CDO1: variants seen among roughly 807,000 people sequenced by gnomAD.
The protein encoded by CDO1 is cysteine dioxygenase type 1, also known as cysteine dioxygenase, type I.
A neutral mutation model predicts 24.5 loss-of-function variants in CDO1; 19 were observed. That is an observed-to-expected ratio of 0.77 (90% confidence interval 0.54 to 1.14). The LOEUF (loss-of-function observed/expected upper bound fraction) is 1.14, where lower values mean the gene tolerates loss of function less well. Ranked by LOEUF, CDO1 falls within the 50% of genes most tolerant of loss-of-function variation. The pLI, the probability that CDO1 is intolerant of heterozygous loss-of-function variation, is 0.00. For missense variants in CDO1, 244 were observed against 244.8 expected (o/e 1.00, Z 0.02); for synonymous variants, 91 against 87.0 (o/e 1.05, Z -0.26).
rs1477053146 is a variant in CDO1 at position 115,816,632 on chromosome 5, T to A, written c.-235A>T. 4 of 550,792 alleles carry A rather than the reference T, an allele frequency of 7.3e-6. No individual in the cohort carries two copies. The African/African-American group carries it at 7.6e-5, about 10-fold the overall frequency. The allele number at this position is 550,792 out of a possible 1,614,324, so 34.1% of individuals were successfully genotyped here. A position where few individuals can be genotyped will look rare whatever the true frequency, so the allele number is the denominator to read the frequency against. On this transcript the variant is annotated 5_prime_UTR_variant, in exon 1 of 5. Transcript: ENST00000250535. The stretch of plus-strand genomic sequence containing the variant: ...GGATCCGGGATCGCTGGAGACGCGG[T>A]GCACACACAAATCAGGTTCAGATCT...
chr5:115,813,135 A>C, intron 2 of CDO1, 46 bp downstream of exon 2: 1 of 1,086,450 alleles, frequency 9.2e-7, no homozygotes, highest in African/African-American at 1.6e-5. Context: ...TTCATATGCT[A>C]GAAAACATGC....
chr5:115,808,720 C>T (rs1404470702), intron 3 of CDO1, among the ~76,000 whole-genome samples: 5 of 146,066 alleles, frequency 3.4e-5, no homozygotes, highest in Non-Finnish European at 7.4e-5. Flanking sequence ...CACACACACA[C>T]ACAAAAACAA....
At chr5:115,807,934 G>T (rs1249656375) in intron 3 of CDO1, among the ~76,000 whole-genome samples, 2 of 151,312 alleles carry the variant, frequency 1.3e-5, no homozygotes, top group Non-Finnish European at 2.9e-5. Context: ...TTTCTAGAAA[G>T]AAAATAGAAA....
rs1309605830 is a variant in CDO1 at position 115,804,925 on chromosome 5, T to C, written c.*508A>G. The C allele has an allele frequency of 1.3e-5, 2 of 152,328 alleles. No individual in the cohort carries two copies. Among genetic ancestry groups the C allele is most frequent in the Non-Finnish European group, 2.9e-5 (2 of 68,134 alleles). 9.4% of individuals were successfully genotyped at this position (152,328 alleles called of 1,614,324 possible). ...GTGCCGTAAGTTCCTCTATTATTCA[T>C]AGAAAAGAAATTTGTAAGGTAAGAC... On this transcript the variant is annotated 3_prime_UTR_variant, in exon 5 of 5. Transcript: ENST00000250535.
chr5:115,807,175 T>C (rs1759982800), intron 3 of CDO1, among the ~76,000 whole-genome samples: 1 of 152,222 alleles, frequency 6.6e-6, no homozygotes, highest in African/African-American at 2.4e-5. Context: ...AGTCATCACC[T>C]AGCTGCGAGA....
At position 115,816,468 on chromosome 5, in the gene CDO1, C is replaced by G; in HGVS notation, c.-71G>C. The G allele has an allele frequency of 3.2e-6, 5 of 1,564,738 alleles. No individual in the cohort carries two copies. The highest frequency in any genetic ancestry group is 4.3e-6 in the Non-Finnish European group (5 of 1,150,344). ...TGGAGGAGCTGAGCGAGCCAAGGAG[C>G]TGGGGGCGAGGGAGCCTAACAGCCC... On this transcript the variant is annotated 5_prime_UTR_variant, in exon 1 of 5. Coordinates refer to ENST00000250535, the MANE Select transcript of CDO1 (RefSeq NM_001801.3).
chr5:115,805,425 G>A lies in CDO1; in HGVS notation c.*8C>T, dbSNP rs764080809. 4.3e-6 allele frequency: 7 copies of A among 1,613,510 alleles called. No homozygotes were observed. Among genetic ancestry groups the A allele is most frequent in the Non-Finnish European group, 5.9e-6 (7 of 1,179,644 alleles). ...CTTAAAGTAAAACCTCAGAGGGTTTGGTGCCCCTTAGTTGTTCTCCAGCGA... is the reference window on the plus strand; with the variant it reads ...CTTAAAGTAAAACCTCAGAGGGTTTAGTGCCCCTTAGTTGTTCTCCAGCGA... On this transcript the variant is annotated 3_prime_UTR_variant, in exon 5 of 5. Coordinates refer to ENST00000250535, the MANE Select transcript of CDO1 (RefSeq NM_001801.3).
At chr5:115,814,450 A>T (rs1485232654) in intron 1 of CDO1, 3 of 152,204 alleles carry the variant, frequency 2.0e-5, no homozygotes. Context: ...GCCCTCCCAA[A>T]GTCAGAGAAC....
chr5:115,815,271 C>T (rs983297041), intron 1 of CDO1, among the ~76,000 whole-genome samples: 8 of 152,166 alleles, frequency 5.3e-5, no homozygotes, highest in Non-Finnish European at 2.9e-5. Flanking sequence ...AAAAGTAGAA[C>T]CTCTCACACT....
Position 115,804,960 on chromosome 5 carries a change from A to G in CDO1, c.*473T>C, listed in dbSNP as rs1196664560. ...ATTTGTAAGGTAAGACTGAAAAAAT[A>G]AAATCTACAGATTCACAAAATTATC... On this transcript the variant is annotated 3_prime_UTR_variant, in exon 5 of 5. Coordinates refer to ENST00000250535, the MANE Select transcript of CDO1 (RefSeq NM_001801.3). 6.5e-6 allele frequency: 1 copy of G among 152,720 alleles called. No individual in the cohort carries two copies. 9.5% of individuals were successfully genotyped at this position (152,720 alleles called of 1,614,324 possible). A position where few individuals can be genotyped will look rare whatever the true frequency, so the allele number is the denominator to read the frequency against.
chr5:115,807,977 T>TA (rs200907357), intron 3 of CDO1, among the ~76,000 whole-genome samples: 11,603 of 149,510 alleles, frequency 0.078, 1,271 homozygotes, highest in African/African-American at 0.25. Flanking sequence ...CAGGTTTTTT[T>TA]AAAAAAAAAC....
intron 3 of CDO1, among the ~76,000 whole-genome samples, chr5:115,807,381 TG>T (rs1183586627): frequency 6.6e-6 from 1 of 152,238 alleles, no homozygotes; most frequent in Non-Finnish European, 1.5e-5. Context: ...TTAATTTTTT[TG>T]TTCTTGGTTT....
At chr5:115,815,603 G>A (rs949510827) in intron 1 of CDO1, among the ~76,000 whole-genome samples, 2 of 152,178 alleles carry the variant, frequency 1.3e-5, no homozygotes, top group East Asian at 3.9e-4. Context: ...GCAGCTGACG[G>A]CCACAAGACG....
intron 2 of CDO1, among the ~76,000 whole-genome samples, chr5:115,812,359 T>C (rs935606554): frequency 6.6e-6 from 1 of 152,192 alleles, no homozygotes; most frequent in African/African-American, 2.4e-5. Context: ...AATAAGACTG[T>C]CAAACGTGAA....
chr5:115,813,777 TG>T (rs1306733925), intron 1 of CDO1: 1 of 153,478 alleles, frequency 6.5e-6, no homozygotes, highest in African/African-American at 2.4e-5. Context: ...ACAAATACCG[TG>T]GGGGCTGATC....
chr5:115,805,339 G>A lies in CDO1; in HGVS notation c.*94C>T. The A allele has an allele frequency of 9.6e-7, 1 of 1,044,746 alleles. No homozygotes were observed. Among genetic ancestry groups the A allele is most frequent in the African/African-American group, 1.6e-5 (1 of 61,394 alleles). 64.7% of individuals were successfully genotyped at this position (1,044,746 alleles called of 1,614,324 possible). ...TAGATCTAAGTATTGGCTTATTTAAGTATATTACTGGATAGCACGTGGTAG... is the reference window on the plus strand; with the variant it reads ...TAGATCTAAGTATTGGCTTATTTAAATATATTACTGGATAGCACGTGGTAG... On this transcript the variant is annotated 3_prime_UTR_variant, in exon 5 of 5. Coordinates refer to ENST00000250535, the MANE Select transcript of CDO1 (RefSeq NM_001801.3).
At chr5:115,815,833 T>A (rs926075191) in intron 1 of CDO1, among the ~76,000 whole-genome samples, 1 of 152,198 alleles carries the variant, frequency 6.6e-6, no homozygotes, top group Non-Finnish European at 1.5e-5. Context: ...TCTCTCCGCA[T>A]CTCCGCGCCC....
rs763155518 is a variant in CDO1 at position 115,805,422 on chromosome 5, T to A, written c.*11A>T. 1.2e-6 allele frequency: 2 copies of A among 1,613,430 alleles called. No homozygotes were observed. Among genetic ancestry groups the A allele is most frequent in the South Asian group, 2.2e-5 (2 of 91,002 alleles). On this transcript the variant is annotated 3_prime_UTR_variant, in exon 5 of 5. Transcript: ENST00000250535. ...AACCTTAAAGTAAAACCTCAGAGGG[T>A]TTGGTGCCCCTTAGTTGTTCTCCAG...
At chr5:115,807,033 C>A (rs1759976853) in intron 3 of CDO1, among the ~76,000 whole-genome samples, 1 of 152,190 alleles carries the variant, frequency 6.6e-6, no homozygotes, top group African/African-American at 2.4e-5. Context: ...TCTCTTCTTT[C>A]TTTTCAGCAG....
Sources: gnomAD v4.1 joint callset for allele counts (sites outside exome capture counted in the v4.1 genomes callset) on GRCh38, gnomAD v4.1.1 for gene constraint, MANE v1.5 for transcripts, NCBI Gene and HGNC (gene_info 2026-07-23, HGNC 2026-07-21) for gene names.